The following DIXDC1 variants were observed in gnomAD, a reference collection of about 807,000 sequenced individuals.
DIXDC1 encodes dixin.
In DIXDC1, 64 loss-of-function variants were observed where a neutral mutation model predicts 103.1. That is an observed-to-expected ratio of 0.62 (90% CI 0.51 to 0.76). The LOEUF is 0.76. Among genes scored for constraint, DIXDC1 ranks in the 30% least tolerant of loss-of-function variants. DIXDC1 has a pLI of 0.00. For missense variants in DIXDC1, 759 were observed against 834.2 expected (o/e 0.91, Z 1.11); for synonymous variants, 266 against 298.5 (o/e 0.89, Z 1.12).
At chr11:111,974,545 A>G (rs1191565950) in intron 4 of DIXDC1, among the ~76,000 whole-genome samples, 3 of 152,186 alleles carry the variant, frequency 2.0e-5, no homozygotes, top group Non-Finnish European at 4.4e-5. Flanking sequence ...CTTCACTGGG[A>G]GGTCCGTGGG....
At chr11:112,008,753 AC>A (rs1278415955) in intron 17 of DIXDC1, among the ~76,000 whole-genome samples, 9 of 152,218 alleles carry the variant, frequency 5.9e-5, no homozygotes, top group African/African-American at 2.2e-4. Context: ...GTTCTTTGAA[AC>A]CAATGAGAAC....
intron 1 of DIXDC1, among the ~76,000 whole-genome samples, chr11:111,941,853 C>CA (rs1555168883): frequency 6.6e-6 from 1 of 151,680 alleles, no homozygotes; most frequent in Middle Eastern, 3.2e-3. Context: ...CACACACACA[C>CA]ACACACACAC....
rs1860100690 is a variant in DIXDC1 at position 111,976,523 on chromosome 11, G to T, written c.656+1540G>T. On this transcript the variant is annotated intron_variant, in intron 5 of 19. Coordinates refer to ENST00000440460, the MANE Select transcript of DIXDC1 (RefSeq NM_001037954.4). This position sits in a 1 kb window ranked among gnomAD's most constrained non-coding sequence, Gnocchi z 4.3. Reference sequence around the variant, plus strand: ...TCTTTGGCATGCTGGGTTAGTAGCTGCCTTTTCCTCAGTGAGTCCCTGGGG... The same window carrying T: ...TCTTTGGCATGCTGGGTTAGTAGCTTCCTTTTCCTCAGTGAGTCCCTGGGG... Among the ~76,000 whole-genome samples the T allele has an allele frequency of 6.6e-6, 1 of 152,174 alleles. No homozygotes were observed. The highest frequency in any genetic ancestry group is 2.4e-5 in the African/African-American group (1 of 41,428).
At chr11:111,988,731 T>C (rs958667321) in intron 9 of DIXDC1, among the ~76,000 whole-genome samples, 1 of 152,224 alleles carries the variant, frequency 6.6e-6, no homozygotes, top group Non-Finnish European at 1.5e-5. Flanking sequence ...AATGAGAGCC[T>C]ATGGGAATTA....
In DIXDC1 at chr11:112,017,787, G is replaced by A. The variant is rs1322409992; in HGVS notation, c.1873G>A (p.Val625Met). The A allele has an allele frequency of 6.2e-7, 1 of 1,609,368 alleles. No homozygotes were observed. Among genetic ancestry groups the A allele is most frequent in the East Asian group, 2.2e-5 (1 of 44,818 alleles). The change falls in exon 19 of 20, where the codon GTG (valine) becomes ATG (methionine). Residue 625 changes from valine (V) to methionine (M), a missense_variant. Val to Met is a conservative substitution (Grantham distance 21, BLOSUM62 1). Coordinates refer to ENST00000440460, the MANE Select transcript of DIXDC1 (RefSeq NM_001037954.4). The surrounding 1 kb of genome is among the most constrained non-coding windows in gnomAD (Gnocchi z 4.0). ...MVNIPKRLEE[V>M]TLKDFKAAID... ...CTCCTTGTGTTGCAGGTTGGAGGAGGTGACGTTAAAGGATTTTAAAGCAGC... is the reference window on the plus strand; with the variant it reads ...CTCCTTGTGTTGCAGGTTGGAGGAGATGACGTTAAAGGATTTTAAAGCAGC...
chr11:111,933,883 C>T (rs1357716780), upstream of DIXDC1, among the ~76,000 whole-genome samples: 5 of 152,156 alleles, frequency 3.3e-5, no homozygotes, highest in Non-Finnish European at 7.3e-5. Context: ...AGAGAAGTCA[C>T]AGGCAATATT....
intron 19 of DIXDC1, 108 bp from the exon 20 acceptor site, chr11:112,018,848 A>T: frequency 1.1e-6 from 1 of 900,484 alleles, no homozygotes. Flanking sequence ...TAGACTCTTA[A>T]CTCAAGGCTT....
chr11:111,932,443 G>A (rs112325296), upstream of DIXDC1, among the ~76,000 whole-genome samples: 2,141 of 151,860 alleles, frequency 0.014, 47 homozygotes, highest in African/African-American at 0.048. Context: ...AAAATTAGCC[G>A]GGCGTGGTGG....
chr11:111,932,541 G>C (rs1555167766), upstream of DIXDC1, among the ~76,000 whole-genome samples: 1 of 148,450 alleles, frequency 6.7e-6, no homozygotes, highest in African/African-American at 2.5e-5. Flanking sequence ...AGCCGAGATC[G>C]CTCCACTGCA....
Position 111,998,734 on chromosome 11 carries a change from G to T in DIXDC1, c.1756+2588G>T, listed in dbSNP as rs1486518031. On this transcript the variant is annotated intron_variant, in intron 17 of 19. Coordinates refer to ENST00000440460, the MANE Select transcript of DIXDC1 (RefSeq NM_001037954.4). The surrounding 1 kb of genome is among the most constrained non-coding windows in gnomAD (Gnocchi z 4.1). ...ATTTTAGTAGAGACAGGGTTTCACT[G>T]TGTTGCCCAGGCTGGTCTTGAACTC... is the stretch of plus-strand genomic sequence containing the variant. Among the ~76,000 whole-genome samples the T allele has an allele frequency of 3.9e-5, 6 of 151,922 alleles. No individual in the cohort carries two copies. Among genetic ancestry groups the T allele is most frequent in the African/African-American group, 7.3e-5 (3 of 41,348 alleles).
At position 111,993,486 on chromosome 11, in the gene DIXDC1, T is replaced by A. The variant is rs372703679; in HGVS notation, c.1273-10T>A. ...TTGCCGCTCATCTTAAAGCTCTATC[T>A]TTATTGCAGAAAGAGCTGGGGCAGA... On this transcript the variant is annotated splice_polypyrimidine_tract_variant and intron_variant, in intron 12 of 19. Transcript: ENST00000440460. The A allele has an allele frequency of 1.2e-5, 20 of 1,613,850 alleles. No individual in the cohort carries two copies. In the African/African-American group the frequency reaches 2.5e-4, roughly 20 times the overall value.
intron 19 of DIXDC1, among the ~76,000 whole-genome samples, chr11:112,018,285 TTC>T (rs1264054274): frequency 3.9e-5 from 6 of 152,216 alleles, no homozygotes; most frequent in African/African-American, 1.4e-4. Context: ...ATCAAGGAAC[TTC>T]TAGGGAGTTA....
intron 1 of DIXDC1, among the ~76,000 whole-genome samples, chr11:111,942,511 C>A (rs1172659953): frequency 6.6e-6 from 1 of 152,176 alleles, no homozygotes; most frequent in East Asian, 1.9e-4. Flanking sequence ...AGAACCAATT[C>A]CACAGGCCCT....
intron 1 of DIXDC1, among the ~76,000 whole-genome samples, chr11:111,939,420 C>T (rs1966342068): frequency 6.6e-6 from 1 of 152,154 alleles, no homozygotes; most frequent in Admixed American, 6.5e-5. Context: ...ACAACAGATG[C>T]ATAACTTTTT....
intron 17 of DIXDC1, among the ~76,000 whole-genome samples, chr11:111,997,327 A>C (rs1369233357): frequency 2.0e-5 from 3 of 152,138 alleles, no homozygotes; most frequent in Non-Finnish European, 2.9e-5. Context: ...CTGGGAATGA[A>C]ACAAATTTTT....
chr11:111,968,993 C>T (rs587680521), intron 3 of DIXDC1, among the ~76,000 whole-genome samples: 21 of 151,922 alleles, frequency 1.4e-4, no homozygotes, highest in African/African-American at 4.6e-4. Flanking sequence ...AAGCTGGTCT[C>T]GAAATCCTGA....
chr11:111,930,849 CTTTTTTTTTTTTT>C (rs782075106), intron 2 of DIXDC1, among the ~76,000 whole-genome samples: 12 of 116,830 alleles, frequency 1.0e-4, no homozygotes, highest in African/African-American at 4.1e-4. Context: ...TCTTTCTTTC[CTTTTTTTTTTTTT>C]TTTTTTTTGA....
At chr11:111,986,796 T>C (rs757796941) in intron 8 of DIXDC1, 75 bp from the exon 9 acceptor site, 3 of 1,367,100 alleles carry the variant, frequency 2.2e-6, no homozygotes, top group African/African-American at 1.4e-5. Flanking sequence ...TAGTGCTCAA[T>C]AAATATTTGT....
At chr11:111,949,686 G>A (rs1209591629) in intron 1 of DIXDC1, among the ~76,000 whole-genome samples, 1 of 152,158 alleles carries the variant, frequency 6.6e-6, no homozygotes, top group African/African-American at 2.4e-5. Flanking sequence ...GTCGTGGGCA[G>A]ACCTGTTTCT....
Sources: allele counts gnomAD v4.1 joint callset (sites outside exome capture counted in the v4.1 genomes callset), GRCh38; gene constraint gnomAD v4.1.1; non-coding constraint Gnocchi (gnomAD v3.1); transcripts MANE v1.5; gene names NCBI Gene and HGNC (gene_info 2026-07-23, HGNC 2026-07-21).